Variants in TUSC3 observed in about 807,000 individuals in gnomAD.
TUSC3 encodes dolichyl-diphosphooligosaccharide--protein glycosyltransferase subunit TUSC3.
Under a neutral mutation model 44.8 loss-of-function variants are expected in TUSC3, and 45 were observed. That is an observed-to-expected ratio of 1.00 (90% confidence interval 0.79 to 1.29). The LOEUF is 1.29. Ranked by LOEUF, TUSC3 falls within the 50% of genes most tolerant of loss-of-function variation. The pLI, the probability that TUSC3 is intolerant of heterozygous loss-of-function variation, is 0.00. For missense variants in TUSC3, 519 were observed against 437.9 expected (o/e 1.19, Z -1.65); for synonymous variants, 212 against 152.9 (o/e 1.39, Z -2.85).
At chr8:15,656,456 G>C (rs972668574) in intron 3 of TUSC3, among the ~76,000 whole-genome samples, 1 of 152,188 alleles carries the variant, frequency 6.6e-6, no homozygotes. Flanking sequence ...GGGGTAACTG[G>C]CTCCAAGTAA....
intron 1 of TUSC3, among the ~76,000 whole-genome samples, chr8:15,444,807 A>G (rs896991074): frequency 1.3e-5 from 2 of 152,158 alleles, no homozygotes; most frequent in Non-Finnish European, 2.9e-5. Flanking sequence ...TAAAATGGTG[A>G]CCAGTGAGGC....
chr8:15,483,363 G>C (rs917878842), intron 1 of TUSC3: 1 of 220,944 alleles, frequency 4.5e-6, no homozygotes, highest in East Asian at 1.3e-4. Context: ...TTTTTGAGAC[G>C]GAGTTTCACT....
chr8:15,480,312 A>G (rs1339238661), intron 1 of TUSC3, among the ~76,000 whole-genome samples: 1 of 152,230 alleles, frequency 6.6e-6, no homozygotes, highest in Non-Finnish European at 1.5e-5. Context: ...GACATTCTTC[A>G]CATAATTAGA....
intron 2 of TUSC3, among the ~76,000 whole-genome samples, chr8:15,625,081 T>A (rs906352239): frequency 2.0e-5 from 3 of 152,176 alleles, no homozygotes; most frequent in African/African-American, 4.8e-5. Flanking sequence ...GGTGCTGCAT[T>A]AAAAAAATTT....
intron 5 of TUSC3, among the ~76,000 whole-genome samples, chr8:15,673,355 A>G (rs1808035735): frequency 6.6e-6 from 1 of 152,088 alleles, no homozygotes; most frequent in African/African-American, 2.4e-5. Flanking sequence ...TAGAAGAATG[A>G]TGTTTAGAGG....
the TUSC3 span, among the ~76,000 whole-genome samples, chr8:15,842,443 C>G: frequency 2.0e-5 from 3 of 152,156 alleles, no homozygotes; most frequent in South Asian, 6.2e-4. Flanking sequence ...ACATGTTTTT[C>G]ATGTCTCTAT....
At chr8:15,676,062 G>A (rs1438244458) in intron 6 of TUSC3, among the ~76,000 whole-genome samples, 1 of 152,090 alleles carries the variant, frequency 6.6e-6, no homozygotes, top group Non-Finnish European at 1.5e-5. Flanking sequence ...CAGTGTATGT[G>A]TTCCGTTTTC....
chr8:15,439,115 A>G (rs995473934), intron 1 of TUSC3, among the ~76,000 whole-genome samples: 1 of 152,168 alleles, frequency 6.6e-6, no homozygotes, highest in African/African-American at 2.4e-5. Context: ...TCCATCAGGG[A>G]TGAAGCCAGG....
the TUSC3 span, among the ~76,000 whole-genome samples, chr8:15,785,037 T>C: frequency 6.6e-6 from 1 of 152,002 alleles, no homozygotes; most frequent in East Asian, 1.9e-4. Flanking sequence ...ACAATTATTT[T>C]TCAATTAAAA....
chr8:15,819,338 A>G, the TUSC3 span, among the ~76,000 whole-genome samples: 1 of 151,936 alleles, frequency 6.6e-6, no homozygotes. Flanking sequence ...CTAATGAAAT[A>G]TTTCACTCTT....
chr8:15,596,515 C>T lies in TUSC3; in HGVS notation c.139-26565C>T, dbSNP rs1044221889. Among the ~76,000 whole-genome samples, 20 of 152,204 alleles carry T rather than the reference C, an allele frequency of 1.3e-4. No individual in the cohort carries two copies. The South Asian group carries it at 1.5e-3, about 11-fold the overall frequency. ...GGGCTTGAGTATATGCGGATTTTGG[C>T]GTGTGGGGTGTCCTAGAACCAATAC... On this transcript the variant is annotated intron_variant, in intron 1 of 10. Coordinates refer to ENST00000503731, the MANE Select transcript of TUSC3 (RefSeq NM_006765.4).
upstream of TUSC3, among the ~76,000 whole-genome samples, chr8:15,538,157 A>G (rs1801551676): frequency 6.6e-6 from 1 of 152,228 alleles, no homozygotes; most frequent in Non-Finnish European, 1.5e-5. Flanking sequence ...CCATATAGGT[A>G]AATGCCTTAT....
chr8:15,726,346 C>A (rs1311914143), intron 6 of TUSC3, among the ~76,000 whole-genome samples: 4 of 151,910 alleles, frequency 2.6e-5, no homozygotes, highest in African/African-American at 7.3e-5. Context: ...TAGTATCATT[C>A]ATATATATTG....
the TUSC3 span, among the ~76,000 whole-genome samples, chr8:15,781,505 A>T: frequency 6.6e-6 from 1 of 152,230 alleles, no homozygotes; most frequent in South Asian, 2.1e-4. Flanking sequence ...GTTACATACA[A>T]GACAGTCAAT....
At chr8:15,721,827 A>G (rs535920416) in intron 6 of TUSC3, among the ~76,000 whole-genome samples, 1 of 152,174 alleles carries the variant, frequency 6.6e-6, no homozygotes, top group South Asian at 2.1e-4. Context: ...TCTAGGTTAT[A>G]TTTTTGTTGT....
chr8:15,758,007 A>ATTT (rs1812004530), intron 10 of TUSC3, 152 bp downstream of exon 10: 2 of 1,439,278 alleles, frequency 1.4e-6, no homozygotes, highest in African/African-American at 1.4e-5. Flanking sequence ...CCAGTCTTAC[A>ATTT]TTATTATGTT....
At chr8:15,843,528 G>C in the TUSC3 span, among the ~76,000 whole-genome samples, 1 of 151,054 alleles carries the variant, frequency 6.6e-6, no homozygotes, top group African/African-American at 2.4e-5. Context: ...GTTGATGGTA[G>C]AATTTTCTAC....
chr8:15,734,788 A>T (rs557526792), intron 7 of TUSC3, among the ~76,000 whole-genome samples: 1 of 152,324 alleles, frequency 6.6e-6, no homozygotes, highest in African/African-American at 2.4e-5. Flanking sequence ...TAAGGAGGCT[A>T]TATTGGTAGA....
chr8:15,468,281 G>C (rs574903024), intron 1 of TUSC3, among the ~76,000 whole-genome samples: 1 of 152,176 alleles, frequency 6.6e-6, no homozygotes, highest in South Asian at 2.1e-4. Flanking sequence ...AAAAAATTGC[G>C]TTTTCTAAGA....
Sources: allele counts gnomAD v4.1 joint callset (sites outside exome capture counted in the v4.1 genomes callset), GRCh38; gene constraint gnomAD v4.1.1; transcripts MANE v1.5; gene names NCBI Gene and HGNC (gene_info 2026-07-23, HGNC 2026-07-21).